The following TAFA4 variants were observed in gnomAD, a reference collection of about 807,000 sequenced individuals.
TAFA4 encodes the protein chemokine-like protein TAFA-4.
TAFA4 carries 20 observed loss-of-function variants against 21.1 expected under a neutral mutation model. The observed-to-expected ratio is 0.95, with a 90% CI of 0.67 to 1.38. The LOEUF (loss-of-function observed/expected upper bound fraction) is 1.38. Ranked by LOEUF, TAFA4 falls within the 40% of genes most tolerant of loss-of-function variation. The probability of loss-of-function intolerance (pLI) is 0.00; values close to 1 mark genes in which losing one functional copy is unlikely to be tolerated. For synonymous variants in TAFA4, 71 were observed against 67.4 expected (o/e 1.05, Z -0.26); for missense variants, 211 against 180.9 (o/e 1.17, Z -0.95).
chr3:68,839,951 A>G (rs760353816), intron 3 of TAFA4, among the ~76,000 whole-genome samples: 7 of 152,186 alleles, frequency 4.6e-5, no homozygotes, highest in Non-Finnish European at 1.0e-4. Context: ...AGACAGATTT[A>G]ATACACAGGC....
intron 3 of TAFA4, among the ~76,000 whole-genome samples, chr3:68,832,462 T>C (rs533579016): frequency 1.2e-4 from 18 of 152,268 alleles, no homozygotes; most frequent in African/African-American, 3.6e-4. Context: ...TCTGTTGGAG[T>C]TTGCTGGAGG....
At chr3:68,831,665 G>C (rs1049730173) in intron 3 of TAFA4, among the ~76,000 whole-genome samples, 2 of 151,976 alleles carry the variant, frequency 1.3e-5, no homozygotes, top group African/African-American at 2.4e-5. Flanking sequence ...TATGTCTTGG[G>C]GTTGCTCGTC....
chr3:68,791,324 G>C (rs1180008029), intron 3 of TAFA4, among the ~76,000 whole-genome samples: 1 of 152,204 alleles, frequency 6.6e-6, no homozygotes, highest in Non-Finnish European at 1.5e-5. Flanking sequence ...GTCATGTGAA[G>C]ACAGAGGCAG....
At position 68,904,004 on chromosome 3, in the gene TAFA4, A is replaced by G. The variant is rs1024876412; in HGVS notation, c.-122-18694T>C. Among the ~76,000 whole-genome samples the G allele has an allele frequency of 5.3e-5, 8 of 152,120 alleles. No homozygotes were observed. In the East Asian group the frequency reaches 1.4e-3, roughly 26 times the overall value. ...TGACAGATGATGCAATGACTTCTGT[A>G]TAAGGCATACACCAGTCACAAAAGC... On this transcript the variant is annotated intron_variant, in intron 1 of 5. Transcript: ENST00000295569.
chr3:68,789,675 A>G (rs1314553155), intron 3 of TAFA4, among the ~76,000 whole-genome samples: 1 of 146,520 alleles, frequency 6.8e-6, no homozygotes, highest in Non-Finnish European at 1.6e-5. Context: ...CCTACACATG[A>G]TGCTCAAGAG....
intron 3 of TAFA4, among the ~76,000 whole-genome samples, chr3:68,841,910 T>G (rs1575635857): frequency 1.3e-5 from 2 of 152,208 alleles, no homozygotes; most frequent in Non-Finnish European, 2.9e-5. Flanking sequence ...TATTCCATGG[T>G]GTATATGTGC....
At chr3:68,848,367 T>C in intron 3 of TAFA4, among the ~76,000 whole-genome samples, 1 of 152,248 alleles carries the variant, frequency 6.6e-6, no homozygotes, top group African/African-American at 2.4e-5. Context: ...CTCAGATAGC[T>C]ATGTATCAAC....
chr3:68,920,948 G>A (rs904132911), intron 1 of TAFA4, among the ~76,000 whole-genome samples: 6 of 152,136 alleles, frequency 3.9e-5, no homozygotes, highest in Non-Finnish European at 5.9e-5. Context: ...CAGGGCCTTC[G>A]TCTGCCACTC....
chr3:68,865,100 GTTTAT>G (rs1420124644), intron 3 of TAFA4, among the ~76,000 whole-genome samples: 2 of 152,018 alleles, frequency 1.3e-5, no homozygotes, highest in Non-Finnish European at 2.9e-5. Flanking sequence ...AATTTGTGCA[GTTTAT>G]TTTATGTCAG....
chr3:68,872,282 G>A, intron 3 of TAFA4, among the ~76,000 whole-genome samples: 1 of 152,104 alleles, frequency 6.6e-6, no homozygotes, highest in East Asian at 1.9e-4. Flanking sequence ...AGGTCATTAT[G>A]TTAACTGAAA....
At chr3:68,745,684 T>A (rs1158454849) in intron 4 of TAFA4, among the ~76,000 whole-genome samples, 1 of 152,264 alleles carries the variant, frequency 6.6e-6, no homozygotes, top group Non-Finnish European at 1.5e-5. Context: ...ATGAGTTTTA[T>A]TTTGTATTCT....
intron 4 of TAFA4, among the ~76,000 whole-genome samples, chr3:68,748,926 C>T (rs538956685): frequency 1.3e-5 from 2 of 152,194 alleles, no homozygotes; most frequent in African/African-American, 2.4e-5. Context: ...TATCATAAAA[C>T]CATTCAGCAT....
intron 3 of TAFA4, among the ~76,000 whole-genome samples, chr3:68,782,299 C>G (rs1441575477): frequency 6.6e-6 from 1 of 152,096 alleles, no homozygotes; most frequent in African/African-American, 2.4e-5. Context: ...CAATGAGATA[C>G]CACTTCACAC....
At chr3:68,815,833 T>C (rs1019464211) in intron 3 of TAFA4, among the ~76,000 whole-genome samples, 48 of 152,270 alleles carry the variant, frequency 3.2e-4, no homozygotes, top group Non-Finnish European at 1.3e-4. Flanking sequence ...CAAAGGACTA[T>C]AAAATCATGC....
At chr3:68,863,771 T>G (rs2089382077) in intron 3 of TAFA4, among the ~76,000 whole-genome samples, 1 of 152,164 alleles carries the variant, frequency 6.6e-6, no homozygotes. Flanking sequence ...TTTAATTCAC[T>G]AATTCAAACT....
chr3:68,810,618 C>G (rs1271584329), intron 3 of TAFA4, among the ~76,000 whole-genome samples: 2 of 152,106 alleles, frequency 1.3e-5, no homozygotes, highest in African/African-American at 4.8e-5. Flanking sequence ...GGCAGTGAGG[C>G]TGGGGGAGGG....
At chr3:68,900,654 G>A (rs891408938) in intron 1 of TAFA4, among the ~76,000 whole-genome samples, 17 of 152,114 alleles carry the variant, frequency 1.1e-4, no homozygotes, top group African/African-American at 3.6e-4. Context: ...CTCCGTGAGG[G>A]CAAAGATCAG....
chr3:68,907,813 A>G (rs2089919502), intron 1 of TAFA4, among the ~76,000 whole-genome samples: 1 of 152,226 alleles, frequency 6.6e-6, no homozygotes, highest in Middle Eastern at 3.2e-3. Context: ...TAGGAGATGT[A>G]CCAGCGAATA....
At chr3:68,834,300 C>T (rs904653904) in intron 3 of TAFA4, among the ~76,000 whole-genome samples, 8 of 152,286 alleles carry the variant, frequency 5.3e-5, no homozygotes, top group Non-Finnish European at 8.8e-5. Flanking sequence ...ACCAAGTCCA[C>T]TTTCCCACAT....
Sources: allele counts gnomAD v4.1 joint callset (sites outside exome capture counted in the v4.1 genomes callset), GRCh38; gene constraint gnomAD v4.1.1; transcripts MANE v1.5; gene names NCBI Gene and HGNC (gene_info 2026-07-23, HGNC 2026-07-21).